RUNDC1: variants seen among roughly 807,000 people sequenced by gnomAD.
RUNDC1 encodes the protein RUN domain containing 1, also known as RUN domain-containing protein 1.
In RUNDC1, 31 loss-of-function variants were observed where a neutral mutation model predicts 49.3. The ratio of observed to expected loss-of-function variants is 0.63; its 90% CI spans 0.47 to 0.85. RUNDC1 has a LOEUF of 0.85. Among genes scored for constraint, RUNDC1 ranks in the 40% least tolerant of loss-of-function variants. The pLI, the probability that RUNDC1 is intolerant of heterozygous loss-of-function variation, is 0.00. For missense variants in RUNDC1, 715 were observed against 806.7 expected, an observed-to-expected ratio of 0.89 and a Z score of 1.38; for synonymous variants, 347 against 348.6, an observed-to-expected ratio of 1.00 and a Z score of 0.05.
chr17:42,987,259 G>T lies in RUNDC1; in HGVS notation c.502G>T (p.Glu168Ter). ...CCCAATTATTTTCTTGCCTTAGAGT[G>T]AGCAGGAAAAGCAAGAGCGTCTGGA... ...RPWLRGEDQS[E>*]QEKQERLETQ... is the part of the protein sequence containing the mutation. Residue 168 changes from glutamate (E) to a stop codon, truncating the protein, a stop_gained, in exon 2 of 5, where the codon GAG (glutamate) becomes TAG (stop). Coordinates refer to ENST00000361677, the MANE Select transcript of RUNDC1 (RefSeq NM_173079.5). LOFTEE classifies it high-confidence loss of function. The T allele has an allele frequency of 6.2e-7, 1 of 1,613,988 alleles. No individual in the cohort carries two copies. The highest frequency in any genetic ancestry group is 8.5e-7 in the Non-Finnish European group (1 of 1,179,918).
At chr17:42,985,687 C>T (rs190722585) in intron 1 of RUNDC1, 22 of 972,746 alleles carry the variant, frequency 2.3e-5, no homozygotes, top group Non-Finnish European at 2.5e-5. Flanking sequence ...AAATGTAATA[C>T]GCTGTAGACT....
intron 1 of RUNDC1, 46 bp from the exon 2 acceptor site, chr17:42,987,210 G>T (rs755405069): frequency 6.5e-7 from 1 of 1,545,156 alleles, no homozygotes; most frequent in Admixed American, 1.7e-5. Context: ...TGTGCCCTGA[G>T]TTTCCCTTTG....
chr17:42,987,940 T>TG (rs1422022192), intron 2 of RUNDC1, among the ~76,000 whole-genome samples: 2 of 152,070 alleles, frequency 1.3e-5, no homozygotes, highest in Non-Finnish European at 2.9e-5. Context: ...TCAGGAGAGA[T>TG]GGGGTTTCTC....
chr17:42,980,684 G>C lies in RUNDC1; in HGVS notation c.108G>C (p.Glu36Asp). Reference sequence around the variant, plus strand: ...AAGAGGAGCCGCTGCCACCGTGCGAGGCGGTGCGCTGGGCCCCAGTGGGGG... The same window carrying C: ...AAGAGGAGCCGCTGCCACCGTGCGACGCGGTGCGCTGGGCCCCAGTGGGGG... ...EEEEEPLPPC[E>D]AVRWAPVGAV... Residue 36 changes from glutamate to aspartate, a missense_variant, in exon 1 of 5, where the codon GAG becomes GAC. Transcript: ENST00000361677. 6.4e-7 allele frequency: 1 copy of C among 1,573,756 alleles called. No individual in the cohort carries two copies. The highest frequency in any genetic ancestry group is 8.6e-7 in the Non-Finnish European group (1 of 1,162,944).
chr17:42,990,709 A>G (rs746580346), intron 4 of RUNDC1, 142 bp from the exon 5 acceptor site: 11 of 961,980 alleles, frequency 1.1e-5, no homozygotes, highest in Non-Finnish European at 1.7e-5. Context: ...CAGAAAAAGG[A>G]AGTCCAGCTA....
chr17:42,986,549 G>A (rs1317626044), intron 1 of RUNDC1, among the ~76,000 whole-genome samples: 1 of 152,028 alleles, frequency 6.6e-6, no homozygotes, highest in African/African-American at 2.4e-5. Context: ...CAAGGCTGGA[G>A]TGCAGTGGCG....
chr17:42,987,744 TTTTTG>T (rs2050189466), intron 2 of RUNDC1, among the ~76,000 whole-genome samples: 2 of 152,112 alleles, frequency 1.3e-5, no homozygotes, highest in South Asian at 2.1e-4. Context: ...TAATCTAGCT[TTTTTG>T]TTTTGTTTTA....
At chr17:42,987,118 T>C in intron 1 of RUNDC1, 138 bp from the exon 2 acceptor site, 1 of 586,890 alleles carries the variant, frequency 1.7e-6, no homozygotes, top group Non-Finnish European at 3.0e-6. Context: ...TTTGAATCTA[T>C]CGTATGAATT....
intron 4 of RUNDC1, 143 bp from the exon 5 acceptor site, chr17:42,990,708 G>A: frequency 1.0e-6 from 1 of 958,480 alleles, no homozygotes; most frequent in Non-Finnish European, 1.5e-6. Context: ...CCAGAAAAAG[G>A]AAGTCCAGCT....
At chr17:42,981,104 T>C in intron 1 of RUNDC1, 30 bp downstream of exon 1, 1 of 1,544,102 alleles carries the variant, frequency 6.5e-7, no homozygotes, top group Non-Finnish European at 8.7e-7. Flanking sequence ...CCGCGAGGAA[T>C]ATGGGAATAG....
chr17:42,990,271 C>T, intron 3 of RUNDC1, 46 bp from the exon 4 acceptor site: 2 of 1,604,452 alleles, frequency 1.2e-6, no homozygotes, highest in Non-Finnish European at 1.7e-6. Flanking sequence ...TAAAGATCTG[C>T]CATAAAGGGC....
rs369497685 is a variant in RUNDC1, at chr17:42,987,276, G to A, written c.519G>A (p.Glu173=). Residue 173 remains glutamate (E), a synonymous_variant, in exon 2 of 5, where the codon GAG becomes GAA. Coordinates refer to ENST00000361677, the MANE Select transcript of RUNDC1 (RefSeq NM_173079.5). The part of the protein sequence containing the change: ...GEDQSEQEKQ[E]RLETQREKQK... ...CTTAGAGTGAGCAGGAAAAGCAAGA[G>A]CGTCTGGAAACCCAAAGGGAGAAGC... The A allele has an allele frequency of 2.5e-6, 4 of 1,613,974 alleles. No homozygotes were observed. The highest frequency in any genetic ancestry group is 3.4e-6 in the Non-Finnish European group (4 of 1,180,010).
intron 1 of RUNDC1, among the ~76,000 whole-genome samples, chr17:42,983,829 G>A (rs1454690873): frequency 6.6e-6 from 1 of 151,594 alleles, no homozygotes; most frequent in African/African-American, 2.4e-5. Flanking sequence ...CCGTCACCAC[G>A]CCTGGCTAAT....
Position 42,980,685 on chromosome 17 carries a change from G to A in RUNDC1, c.109G>A (p.Ala37Thr). 1 of 1,572,566 alleles carries A rather than the reference G, an allele frequency of 6.4e-7. No individual in the cohort carries two copies. The highest frequency in any genetic ancestry group is 8.6e-7 in the Non-Finnish European group (1 of 1,162,426). Residue 37 changes from alanine to threonine, a missense_variant, in exon 1 of 5, where the codon GCG (alanine) becomes ACG (threonine). Ala to Thr is a moderately conservative substitution (Grantham distance 58). This residue lies in a region of RUNDC1 where 153 missense variants were observed against 139.4 expected (regional missense o/e 1.10). Coordinates refer to ENST00000361677, the MANE Select transcript of RUNDC1 (RefSeq NM_173079.5). ...EEEEPLPPCE[A>T]VRWAPVGAVA... is the part of the protein sequence containing the mutation. ...AGAGGAGCCGCTGCCACCGTGCGAG[G>A]CGGTGCGCTGGGCCCCAGTGGGGGC...
chr17:42,981,045 G>T lies in RUNDC1; in HGVS notation c.469G>T (p.Asp157Tyr). The stretch of plus-strand genomic sequence containing the variant: ...CGATGAGGGCGATGGGCTGCCAGGG[G>T]ACCGGCCATGGTTGCGGGGCGAGGA... ...ASDEGDGLPG[D>Y]RPWLRGEDQS... Residue 157 changes from aspartate (D) to tyrosine (Y), a missense_variant, in exon 1 of 5, where the codon GAC (aspartate) becomes TAC (tyrosine). Around this residue, in one of 5 missense-constraint regions of RUNDC1, gnomAD observed 113 missense variants for 93.4 expected, o/e 1.21. Transcript: ENST00000361677. 5.1e-6 allele frequency: 8 copies of T among 1,558,964 alleles called. No homozygotes were observed. The highest frequency in any genetic ancestry group is 6.9e-6 in the Non-Finnish European group (8 of 1,160,010).
Position 42,990,908 on chromosome 17 carries a change from C to A in RUNDC1, c.1034C>A (p.Ala345Glu). 6.2e-7 allele frequency: 1 copy of A among 1,610,680 alleles called. No homozygotes were observed. The change falls in exon 5 of 5, where the codon GCG (alanine) becomes GAG (glutamate). Residue 345 changes from alanine (A) to glutamate (E), a missense_variant. Ala to Glu is a moderately radical substitution (Grantham distance 107). This residue lies in a region of RUNDC1 where 425 missense variants were observed against 499.7 expected (regional missense o/e 0.85). Transcript: ENST00000361677. Reference sequence around the variant, plus strand: ...ACGGGGCTGCACCTGATGCGGCGAGCGCTGGCCGTGCTCCAGATCTTTGCT... The same window carrying A: ...ACGGGGCTGCACCTGATGCGGCGAGAGCTGGCCGTGCTCCAGATCTTTGCT... ...RETGLHLMRR[A>E]LAVLQIFAVS... is the part of the protein sequence containing the mutation.
intron 1 of RUNDC1, among the ~76,000 whole-genome samples, chr17:42,986,863 C>G (rs949517098): frequency 1.3e-5 from 2 of 152,138 alleles, no homozygotes; most frequent in African/African-American, 4.8e-5. Context: ...CAAAATTTGG[C>G]TGCACAGAGT....
intron 4 of RUNDC1, 59 bp from the exon 5 acceptor site, chr17:42,990,792 G>T: frequency 6.6e-7 from 1 of 1,516,636 alleles, no homozygotes; most frequent in South Asian, 1.3e-5. Flanking sequence ...GTGATTTGTT[G>T]AGTGTAGCTC....
intron 1 of RUNDC1, chr17:42,985,686 A>G (rs1228165899): frequency 2.0e-6 from 2 of 977,834 alleles, no homozygotes; most frequent in African/African-American, 3.6e-5. Flanking sequence ...TAAATGTAAT[A>G]CGCTGTAGAC....
Sources: gnomAD v4.1 joint callset for allele counts (sites outside exome capture counted in the v4.1 genomes callset) on GRCh38, gnomAD v4.1.1 for gene constraint, gnomAD v4.1.1 regional missense constraint, MANE v1.5 for transcripts, NCBI Gene and HGNC (gene_info 2026-07-23, HGNC 2026-07-21) for gene names.